Variants in UPK1A observed in about 807,000 individuals in gnomAD.
UPK1A encodes the protein uroplakin 1A.
In UPK1A, 31 loss-of-function variants were observed where a neutral mutation model predicts 32.3. The ratio of observed to expected loss-of-function variants is 0.96; its 90% CI spans 0.72 to 1.30. UPK1A has a LOEUF of 1.30. Ranked by LOEUF, UPK1A falls within the 50% of genes most tolerant of loss-of-function variation. The probability of loss-of-function intolerance (pLI) is 0.00; values close to 1 mark genes in which losing one functional copy is unlikely to be tolerated. For missense variants in UPK1A, 340 were observed against 357.4 expected, an observed-to-expected ratio of 0.95 and a Z score of 0.39; for synonymous variants, 135 against 137.1, an observed-to-expected ratio of 0.98 and a Z score of 0.11.
At chr19:35,669,816 A>G (rs1321053546) in intron 3 of UPK1A, among the ~76,000 whole-genome samples, 1 of 152,184 alleles carries the variant, frequency 6.6e-6, no homozygotes, top group Non-Finnish European at 1.5e-5. Flanking sequence ...AGGGATTCCA[A>G]TTCACGGCCC....
chr19:35,668,100 T>G, intron 2 of UPK1A: 1 of 368,982 alleles, frequency 2.7e-6, no homozygotes, highest in East Asian at 6.6e-5. Context: ...TTTGTAATGT[T>G]TATGGCCATG....
At chr19:35,677,812 G>A in exon 7 of UPK1A, 1 of 1,612,138 alleles carries the variant, frequency 6.2e-7, no homozygotes, top group Non-Finnish European at 8.5e-7. Context: ...CCCTGCCCAG[G>A]GCTGCTTCGA....
At chr19:35,672,780 G>A (rs1242588945) in intron 3 of UPK1A, among the ~76,000 whole-genome samples, 1 of 151,840 alleles carries the variant, frequency 6.6e-6, no homozygotes, top group East Asian at 1.9e-4. Context: ...GGGTCTCACT[G>A]TGTTGCCCAG....
At chr19:35,673,365 G>C in intron 4 of UPK1A, 59 bp downstream of exon 4, 1 of 1,611,210 alleles carries the variant, frequency 6.2e-7, no homozygotes. Flanking sequence ...GAGGGTCCCG[G>C]CGCGGCGGGG....
intron 6 of UPK1A, 150 bp downstream of exon 6, chr19:35,676,169 C>CT (rs1968178282): frequency 1.1e-6 from 1 of 880,304 alleles, no homozygotes; most frequent in South Asian, 1.7e-5. Flanking sequence ...TTCTTGTTTT[C>CT]TTTTTCTTTC....
chr19:35,677,240 A>AG (rs1427887452), intron 6 of UPK1A, among the ~76,000 whole-genome samples: 1 of 150,710 alleles, frequency 6.6e-6, no homozygotes, highest in African/African-American at 2.4e-5. Context: ...TAAAAAAAAA[A>AG]AGGCCGGGCG....
At chr19:35,677,923 GT>G in intron 7 of UPK1A, 28 bp downstream of exon 7, 1 of 1,597,448 alleles carries the variant, frequency 6.3e-7, no homozygotes. Flanking sequence ...CACAGGCTGG[GT>G]GGGCTGGGGG....
rs761468255 is a variant in UPK1A at position 35,675,905 on chromosome 19, C to T, written c.534C>T (p.Ala178=). Residue 178 remains alanine, a synonymous_variant, in exon 6 of 8, where the codon GCC becomes GCT. Coordinates refer to ENST00000617999, the Ensembl canonical transcript of UPK1A. ...ACTTCACGTCAGCCTTCCGGGCGGC[C>T]ACTCCGGAGGTGGTGTTCCCCTGGC... 1.9e-6 allele frequency: 3 copies of T among 1,613,900 alleles called. No homozygotes were observed. In the African/African-American group the frequency reaches 4.0e-5, roughly 22 times the overall value.
At chr19:35,673,496 C>A (rs141522675) in exon 5 of UPK1A, 4 of 1,613,288 alleles carry the variant, frequency 2.5e-6, no homozygotes, top group Non-Finnish European at 3.4e-6. Flanking sequence ...AGCGCGGACA[C>A]CGACCAGGGC....
At chr19:35,677,355 G>A (rs542520337) in intron 6 of UPK1A, among the ~76,000 whole-genome samples, 2 of 150,764 alleles carry the variant, frequency 1.3e-5, no homozygotes, top group African/African-American at 4.9e-5. Context: ...GTGAAACCCC[G>A]TCTCTACTAA....
chr19:35,670,800 G>A (rs1481446908), intron 3 of UPK1A, among the ~76,000 whole-genome samples: 1 of 146,872 alleles, frequency 6.8e-6, no homozygotes, highest in Non-Finnish European at 1.5e-5. Context: ...TTGCCACCTC[G>A]AACTCTTCAT....
chr19:35,670,530 C>CCTCGCCTCCTCTCCCCTCCA (rs1968075313), intron 3 of UPK1A, among the ~76,000 whole-genome samples: 1 of 76,598 alleles, frequency 1.3e-5, no homozygotes, highest in African/African-American at 5.3e-5. Context: ...TCTCCCCTCC[C>CCTCGCCTCCTCTCCCCTCCA]CTCCCCTCCT....
At chr19:35,677,323 C>T (rs377364580) in intron 6 of UPK1A, among the ~76,000 whole-genome samples, 2 of 151,184 alleles carry the variant, frequency 1.3e-5, no homozygotes, top group African/African-American at 4.9e-5. Context: ...ATCAGGAGTT[C>T]GAGACCAGCC....
exon 4 of UPK1A, chr19:35,673,241 C>G: frequency 1.2e-6 from 2 of 1,614,130 alleles, no homozygotes; most frequent in Non-Finnish European, 1.7e-6. Flanking sequence ...GTACCTGGTG[C>G]TCATGCTCAT....
chr19:35,677,715 G>T (rs1224155960), intron 6 of UPK1A, 97 bp from the exon 7 acceptor site: 1 of 1,437,646 alleles, frequency 7.0e-7, no homozygotes, highest in East Asian at 2.4e-5. Context: ...CAATGCTCAG[G>T]GAAGGTGGTG....
intron 1 of UPK1A, 89 bp from the exon 2 acceptor site, chr19:35,666,720 C>A: frequency 1.5e-6 from 2 of 1,333,934 alleles, no homozygotes; most frequent in Non-Finnish European, 2.1e-6. Flanking sequence ...AGAGCTGGAG[C>A]AACCCCTCGA....
intron 3 of UPK1A, among the ~76,000 whole-genome samples, chr19:35,669,927 G>A (rs371133361): frequency 6.6e-6 from 1 of 152,182 alleles, no homozygotes. Context: ...ATGAGCAGGA[G>A]CTACATGCTG....
At chr19:35,676,214 C>T (rs190358595) in intron 6 of UPK1A, 195 bp downstream of exon 6, 16 of 652,506 alleles carry the variant, frequency 2.5e-5, no homozygotes, top group African/African-American at 4.2e-5. Context: ...TTTTCAAGAC[C>T]GAGTCCTGCT....
exon 8 of UPK1A, chr19:35,678,314 A>C: frequency 1.5e-5 from 5 of 327,290 alleles, no homozygotes; most frequent in East Asian, 4.9e-5. Flanking sequence ...CTCCTCCTTC[A>C]TGGCAGGCAT....
Sources: allele counts gnomAD v4.1 joint callset (sites outside exome capture counted in the v4.1 genomes callset), GRCh38; gene constraint gnomAD v4.1.1; transcripts MANE v1.5; gene names NCBI Gene and HGNC (gene_info 2026-07-23, HGNC 2026-07-21).